Variants in BEND3 observed in about 807,000 individuals in gnomAD.
The protein encoded by BEND3 is BEN domain-containing protein 3.
In BEND3, 13 loss-of-function variants were observed where a neutral mutation model predicts 60.1. That is an observed-to-expected ratio of 0.22 (90% CI 0.14 to 0.34). BEND3 has a LOEUF of 0.34. BEND3 is among the 10% of genes least tolerant of loss of function. BEND3 has a pLI of 1.00. For missense variants in BEND3, 896 were observed against 1,138.1 expected, an observed-to-expected ratio of 0.79 and a Z score of 3.06; for synonymous variants, 497 against 491.5, an observed-to-expected ratio of 1.01 and a Z score of -0.15.
chr6:107,068,733 G>A lies in BEND3; in HGVS notation c.2458C>T (p.Leu820Phe). 6.2e-7 allele frequency: 1 copy of A among 1,613,816 alleles called. No homozygotes were observed. Among genetic ancestry groups the A allele is most frequent in the Non-Finnish European group, 8.5e-7 (1 of 1,180,020 alleles). The change falls in exon 4 of 4, where the codon CTC (leucine) becomes TTC (phenylalanine). Residue 820 changes from leucine (L) to phenylalanine (F), a missense_variant. Around this residue, in one of 4 missense-constraint regions of BEND3, gnomAD observed 16 missense variants for 18.0 expected, o/e 0.89. Coordinates refer to ENST00000369042, the MANE Select transcript of BEND3 (RefSeq NM_001367314.1). The surrounding 1 kb of genome is among the most constrained non-coding windows in gnomAD (Gnocchi z 5.8). ...RRPNRKKCDI[L>F]KKAKKVEK ...TTCTCCACTTTCTTTGCTTTCTTGA[G>A]GATGTCGCATTTTTTCCTGTTGGGG...
intron 3 of BEND3, among the ~76,000 whole-genome samples, chr6:107,076,270 A>G (rs1554232760): frequency 6.6e-6 from 1 of 152,158 alleles, no homozygotes; most frequent in Admixed American, 6.5e-5. Context: ...AATCTGTGCT[A>G]CTTGGCACTG....
At chr6:107,112,675 G>A (rs1418258869) in intron 1 of BEND3, among the ~76,000 whole-genome samples, 2 of 152,140 alleles carry the variant, frequency 1.3e-5, no homozygotes, top group Middle Eastern at 3.4e-3. Flanking sequence ...CCAACATGCA[G>A]AAATCCCCTC....
At chr6:107,098,163 T>C (rs532191703) in intron 3 of BEND3, among the ~76,000 whole-genome samples, 1 of 152,272 alleles carries the variant, frequency 6.6e-6, no homozygotes, top group African/African-American at 2.4e-5. Flanking sequence ...AAGTGAATGA[T>C]AGATTTAATT....
rs139497535 is a variant in BEND3, at chr6:107,070,350, C to T, written c.841G>A (p.Asp281Asn). The change falls in exon 4 of 4, where the codon GAC (aspartate) becomes AAC (asparagine). Residue 281 changes from aspartate to asparagine, a missense_variant. Physicochemically the swap from Asp to Asn is conservative, Grantham distance 23 (BLOSUM62 1). This residue lies in a region of BEND3 where 846 missense variants were observed against 1,036.7 expected (regional missense o/e 0.82). Coordinates refer to ENST00000369042, the MANE Select transcript of BEND3 (RefSeq NM_001367314.1). This position sits in a 1 kb window ranked among gnomAD's most constrained non-coding sequence, Gnocchi z 6.9. Reference sequence around the variant, plus strand: ...CTGCAGCCCCGGGAGAAGTCCACGTCGCTGAAGAGCTCGGGGAAGAGCTGC... The same window carrying T: ...CTGCAGCCCCGGGAGAAGTCCACGTTGCTGAAGAGCTCGGGGAAGAGCTGC... The part of the protein sequence containing the change: ...LVQLFPELFS[D>N]VDFSRGCSAC... 414 of 1,611,958 alleles carry T rather than the reference C, an allele frequency of 2.6e-4. 2 individuals carry two copies. In the African/African-American group the frequency reaches 3.9e-3, roughly 15 times the overall value.
Position 107,069,257 on chromosome 6 carries a change from C to A in BEND3, c.1934G>T (p.Arg645Leu), listed in dbSNP as rs1324101216. 1.2e-6 allele frequency: 2 copies of A among 1,611,156 alleles called. No homozygotes were observed. The highest frequency in any genetic ancestry group is 1.7e-6 in the Non-Finnish European group (2 of 1,179,120). ...GGAGCGCCTTTGCTCCGTGTCCCGG[C>A]GCCGGCAGCGCTCATCCAGTTTGCC... ...FVGKLDERCR[R>L]RDTEQRRSYQ... The change falls in exon 4 of 4, where the codon CGC becomes CTC. Residue 645 changes from arginine (R) to leucine (L), a missense_variant. This residue lies in a region of BEND3 where 846 missense variants were observed against 1,036.7 expected (regional missense o/e 0.82). Coordinates refer to ENST00000369042, the MANE Select transcript of BEND3 (RefSeq NM_001367314.1).
chr6:107,078,558 C>G (rs1554233052), intron 3 of BEND3, among the ~76,000 whole-genome samples: 1 of 11,194 alleles, frequency 8.9e-5, no homozygotes, highest in African/African-American at 3.7e-4. Context: ...GGGTTCATGC[C>G]ATTCTCCTGC....
chr6:107,086,079 G>T (rs1423184540), intron 3 of BEND3, among the ~76,000 whole-genome samples: 1 of 151,912 alleles, frequency 6.6e-6, no homozygotes, highest in Non-Finnish European at 1.5e-5. Flanking sequence ...GAGCCACCGC[G>T]CCTGGCCGCC....
chr6:107,070,087 G>T lies in BEND3; in HGVS notation c.1104C>A (p.Phe368Leu). 1 of 1,613,536 alleles carries T rather than the reference G, an allele frequency of 6.2e-7. No homozygotes were observed. Among genetic ancestry groups the T allele is most frequent in the Non-Finnish European group, 8.5e-7 (1 of 1,180,040 alleles). Residue 368 changes from phenylalanine to leucine, a missense_variant, in exon 4 of 4, where the codon TTC becomes TTA. Phe to Leu is a conservative substitution (Grantham distance 22). Coordinates refer to ENST00000369042, the MANE Select transcript of BEND3 (RefSeq NM_001367314.1). This position sits in a 1 kb window ranked among gnomAD's most constrained non-coding sequence, Gnocchi z 6.9. ...CCTCCTCCTGGTCTTTGTTGTCCAG[G>T]AAGTGGCCGGGGTCCACCTGCTCTG... ...FEAEQVDPGH[F>L]LDNKDQEEAL...
intron 3 of BEND3, among the ~76,000 whole-genome samples, chr6:107,097,805 A>C (rs1328449034): frequency 6.6e-6 from 1 of 151,266 alleles, no homozygotes; most frequent in Admixed American, 6.6e-5. Context: ...AAAAAAAAAA[A>C]AAAAAAAAAA....
chr6:107,077,287 A>T (rs1254888420), intron 3 of BEND3, among the ~76,000 whole-genome samples: 1 of 152,088 alleles, frequency 6.6e-6, no homozygotes, highest in Admixed American at 6.6e-5. Context: ...ATTTTTTTTT[A>T]AATTAAATCA....
chr6:107,091,663 A>C (rs1489044886), intron 3 of BEND3, among the ~76,000 whole-genome samples: 1 of 152,200 alleles, frequency 6.6e-6, no homozygotes, highest in African/African-American at 2.4e-5. Flanking sequence ...AGTAACTAAT[A>C]GCCTTCCAAA....
At position 107,070,170 on chromosome 6, in the gene BEND3, C is replaced by G. The variant is rs1330897731; in HGVS notation, c.1021G>C (p.Ala341Pro). The change falls in exon 4 of 4, where the codon GCC becomes CCC. Residue 341 changes from alanine to proline, a missense_variant. Around this residue, in one of 4 missense-constraint regions of BEND3, gnomAD observed 846 missense variants for 1,036.7 expected, o/e 0.82. Transcript: ENST00000369042. The surrounding 1 kb of genome is among the most constrained non-coding windows in gnomAD (Gnocchi z 6.9). ...QLNDFFSRFW[A>P]QREMEDSQPS... is the part of the protein sequence containing the mutation. ...TGGCTGTCCTCCATTTCCCGCTGGG[C>G]CCAGAAGCGGCTGAAGAAGTCGTTC... 8 of 1,612,854 alleles carry G rather than the reference C, an allele frequency of 5.0e-6. No individual in the cohort carries two copies. Among genetic ancestry groups the G allele is most frequent in the Non-Finnish European group, 5.9e-6 (7 of 1,179,950 alleles).
At chr6:107,091,517 C>A (rs1775474357) in intron 3 of BEND3, among the ~76,000 whole-genome samples, 1 of 152,076 alleles carries the variant, frequency 6.6e-6, no homozygotes, top group Non-Finnish European at 1.5e-5. Context: ...GATAAAGGAA[C>A]ACTATGACCA....
chr6:107,070,449 G>T lies in BEND3; in HGVS notation c.742C>A (p.Leu248Ile), dbSNP rs528226878. ...AKFQPPPEYQ[L>I]TAAELKQIVD... ...ATCTGCTTGAGCTCTGCGGCTGTGA[G>T]CTGGTACTCAGGGGGCGGCTGGAAT... The change falls in exon 4 of 4, where the codon CTC becomes ATC. Residue 248 changes from leucine (L) to isoleucine (I), a missense_variant. Transcript: ENST00000369042. This position sits in a 1 kb window ranked among gnomAD's most constrained non-coding sequence, Gnocchi z 6.9. 1.2e-6 allele frequency: 2 copies of T among 1,614,150 alleles called. No individual in the cohort carries two copies. The highest frequency in any genetic ancestry group is 2.7e-5 in the African/African-American group (2 of 75,054).
chr6:107,111,416 C>T (rs1554238388), intron 1 of BEND3, among the ~76,000 whole-genome samples: 1 of 151,790 alleles, frequency 6.6e-6, no homozygotes, highest in Non-Finnish European at 1.5e-5. Flanking sequence ...GAGGGTGAGG[C>T]AGGAGAATCA....
intron 1 of BEND3, among the ~76,000 whole-genome samples, chr6:107,107,629 A>G (rs1444257913): frequency 1.3e-5 from 2 of 151,986 alleles, no homozygotes; most frequent in African/African-American, 4.8e-5. Context: ...TGCCTGATTA[A>G]TTTCTGTATT....
Position 107,070,978 on chromosome 6 carries a change from T to C in BEND3, c.241-28A>G. 6.3e-7 allele frequency: 1 copy of C among 1,578,320 alleles called. No homozygotes were observed. The highest frequency in any genetic ancestry group is 1.2e-5 in the South Asian group (1 of 85,226). Reference sequence around the variant, plus strand: ...GCAAAACAAAAATCATTTCCCAGAGTGTTAGGTGGGTGCTGTGGTTTATGA... The same window carrying C: ...GCAAAACAAAAATCATTTCCCAGAGCGTTAGGTGGGTGCTGTGGTTTATGA... On this transcript the variant is annotated intron_variant, in intron 3 of 3. Coordinates refer to ENST00000369042, the MANE Select transcript of BEND3 (RefSeq NM_001367314.1). The surrounding 1 kb of genome is among the most constrained non-coding windows in gnomAD (Gnocchi z 6.9).
chr6:107,098,811 C>G, intron 2 of BEND3, 58 bp from the exon 3 acceptor site: 2 of 1,477,284 alleles, frequency 1.4e-6, no homozygotes, highest in Non-Finnish European at 1.9e-6. Context: ...CAGAGATCAG[C>G]AGGGTTCTCT....
rs1221989909 is a variant in BEND3, at chr6:107,069,237, G to A, written c.1954C>T (p.Arg652Cys). ...RCRRRDTEQR[R>C]SYQQQRKVHV... ...ACCTTGCGCTGCTGCTGGTAGGAGC[G>A]CCTTTGCTCCGTGTCCCGGCGCCGG... The change falls in exon 4 of 4, where the codon CGC becomes TGC. Residue 652 changes from arginine to cysteine, a missense_variant. Arg to Cys is a radical substitution (Grantham distance 180). Transcript: ENST00000369042. The A allele has an allele frequency of 5.0e-6, 8 of 1,611,700 alleles. No homozygotes were observed. The highest frequency in any genetic ancestry group is 2.2e-5 in the East Asian group (1 of 44,868).
Sources: allele counts gnomAD v4.1 joint callset (sites outside exome capture counted in the v4.1 genomes callset), GRCh38; gene constraint gnomAD v4.1.1; regional missense constraint gnomAD v4.1.1; non-coding constraint Gnocchi (gnomAD v3.1); transcripts MANE v1.5; gene names NCBI Gene and HGNC (gene_info 2026-07-23, HGNC 2026-07-21).